Variants in SOX5 observed in about 807,000 individuals in gnomAD.
SOX5 encodes transcription factor SOX-5.
SOX5 carries 9 observed loss-of-function variants against 92.0 expected under a neutral mutation model. The observed-to-expected ratio is 0.10, with a 90% CI of 0.06 to 0.17. The LOEUF (loss-of-function observed/expected upper bound fraction) is 0.17, where lower values mean the gene tolerates loss of function less well. SOX5 is among the 10% of genes least tolerant of loss of function. The pLI is 1.00. For missense variants in SOX5, 642 were observed against 944.5 expected (o/e 0.68, Z 4.20); for synonymous variants, 344 against 336.3 (o/e 1.02, Z -0.25).
intron 14 of SOX5, among the ~76,000 whole-genome samples, chr12:23,534,846 A>T (rs1430728762): frequency 6.6e-6 from 1 of 151,788 alleles, no homozygotes; most frequent in Non-Finnish European, 1.5e-5. Flanking sequence ...AGTAGCTGGG[A>T]ATACAGGCGC....
At chr12:24,020,350 C>A (rs1023606165) in intron 4 of SOX5, among the ~76,000 whole-genome samples, 1 of 152,110 alleles carries the variant, frequency 6.6e-6, no homozygotes, top group African/African-American at 2.4e-5. Context: ...CACCCTATTC[C>A]AAAGTCAAGA....
intron 6 of SOX5, among the ~76,000 whole-genome samples, chr12:23,720,396 G>A (rs1242573466): frequency 6.6e-6 from 1 of 151,978 alleles, no homozygotes; most frequent in African/African-American, 2.4e-5. Context: ...GTATCAAAGA[G>A]GCCCTCTAAA....
intron 2 of SOX5, among the ~76,000 whole-genome samples, chr12:24,343,155 G>A (rs981667887): frequency 6.6e-6 from 1 of 152,194 alleles, no homozygotes; most frequent in Middle Eastern, 3.2e-3. Flanking sequence ...CCAGTGGCTT[G>A]TACCATGTCC....
rs562587124 is a variant in SOX5 at position 23,698,269 on chromosome 12, T to A, written c.811-32705A>T. ...GGGTTCTTTGAGGTTCTTAGATATATGAATTTATAGTTAATGAAATATTTT... is the reference window on the plus strand; with the variant it reads ...GGGTTCTTTGAGGTTCTTAGATATAAGAATTTATAGTTAATGAAATATTTT... On this transcript the variant is annotated intron_variant, in intron 6 of 14. Coordinates refer to ENST00000451604, the MANE Select transcript of SOX5 (RefSeq NM_006940.6). Among the ~76,000 whole-genome samples, 127 of 152,330 alleles carry A rather than the reference T, an allele frequency of 8.3e-4. 1 individual carries two copies. Among genetic ancestry groups the A allele is most frequent in the Middle Eastern group, 3.4e-3 (1 of 294 alleles).
At chr12:23,864,215 T>C (rs1036526547) in intron 2 of SOX5, among the ~76,000 whole-genome samples, 1 of 152,150 alleles carries the variant, frequency 6.6e-6, no homozygotes, top group African/African-American at 2.4e-5. Flanking sequence ...GTGAACTTAG[T>C]AAATGCTGTA....
chr12:24,171,917 T>C (rs1341168443), intron 4 of SOX5, among the ~76,000 whole-genome samples: 1 of 152,110 alleles, frequency 6.6e-6, no homozygotes, highest in Non-Finnish European at 1.5e-5. Flanking sequence ...AAGTGGCATT[T>C]AAGTTGAGTC....
intron 1 of SOX5, among the ~76,000 whole-genome samples, chr12:24,459,272 G>T (rs1393695259): frequency 6.6e-6 from 1 of 152,122 alleles, no homozygotes; most frequent in African/African-American, 2.4e-5. Context: ...GTGATGGAGT[G>T]CTGTTTCTGA....
intron 4 of SOX5, among the ~76,000 whole-genome samples, chr12:24,038,288 T>C (rs903912592): frequency 2.6e-5 from 4 of 152,144 alleles, no homozygotes; most frequent in Non-Finnish European, 2.9e-5. Flanking sequence ...TCACTGGCCC[T>C]GCAAACTCAT....
At chr12:23,660,546 C>T (rs10505901) in intron 7 of SOX5, among the ~76,000 whole-genome samples, 12,216 of 152,176 alleles carry the variant, frequency 0.08, 601 homozygotes, top group Non-Finnish European at 0.11. Context: ...ATATTGAATG[C>T]TTGAAATCAT....
chr12:23,554,627 T>A (rs1453681169), intron 11 of SOX5, among the ~76,000 whole-genome samples: 1 of 152,118 alleles, frequency 6.6e-6, no homozygotes, highest in Non-Finnish European at 1.5e-5. Flanking sequence ...GGGAAAGCCA[T>A]GAGAAAATGT....
chr12:23,932,007 T>C (rs1251701763), intron 1 of SOX5, among the ~76,000 whole-genome samples: 1 of 151,442 alleles, frequency 6.6e-6, no homozygotes, highest in Non-Finnish European at 1.5e-5. Context: ...CAAATCACCA[T>C]AGCTCAGATA....
At chr12:23,800,365 T>C (rs1385020532) in intron 3 of SOX5, among the ~76,000 whole-genome samples, 3 of 152,132 alleles carry the variant, frequency 2.0e-5, no homozygotes, top group Admixed American at 1.3e-4. Context: ...GTTAACCCAA[T>C]ACCCAAACAC....
Position 23,531,695 on chromosome 12 carries a change from A to G in SOX5, c.*2524T>C, listed in dbSNP as rs565935491. Reference sequence around the variant, plus strand: ...CAGAGTGCTTAAAAACAAAACAAACAAAAACAAAAAAAAATTGGCTCTAGA... The same window carrying G: ...CAGAGTGCTTAAAAACAAAACAAACGAAAACAAAAAAAAATTGGCTCTAGA... On this transcript the variant is annotated 3_prime_UTR_variant, in exon 15 of 15. Coordinates refer to ENST00000451604, the MANE Select transcript of SOX5 (RefSeq NM_006940.6). 4 of 152,258 alleles carry G rather than the reference A, an allele frequency of 2.6e-5. No homozygotes were observed. Among genetic ancestry groups the G allele is most frequent in the Admixed American group, 2.0e-4 (3 of 15,298 alleles). The allele number at this position is 152,258 out of a possible 1,614,324, so 9.4% of individuals were successfully genotyped here.
intron 1 of SOX5, chr12:23,919,919 T>C (rs2097464724): frequency 6.6e-6 from 1 of 152,010 alleles, no homozygotes; most frequent in East Asian, 1.9e-4. Context: ...AAATACAGAG[T>C]CCAAAATGGA....
intron 4 of SOX5, among the ~76,000 whole-genome samples, chr12:23,975,334 G>T (rs1343843043): frequency 6.6e-6 from 1 of 151,458 alleles, no homozygotes; most frequent in Non-Finnish European, 1.5e-5. Context: ...TATATAATAT[G>T]ATATACTTTT....
chr12:23,651,474 A>G (rs2081553955), intron 7 of SOX5, among the ~76,000 whole-genome samples: 1 of 152,096 alleles, frequency 6.6e-6, no homozygotes, highest in African/African-American at 2.4e-5. Context: ...TTTCCATTCA[A>G]TTAACATGTA....
intron 3 of SOX5, among the ~76,000 whole-genome samples, chr12:24,217,030 A>G (rs2139747875): frequency 6.6e-6 from 1 of 152,306 alleles, no homozygotes; most frequent in South Asian, 2.1e-4. Flanking sequence ...TGAAGACAGA[A>G]ACTTGTGCTC....
chr12:23,624,298 G>A (rs954510964), intron 8 of SOX5, among the ~76,000 whole-genome samples: 3 of 152,074 alleles, frequency 2.0e-5, no homozygotes, highest in African/African-American at 7.2e-5. Flanking sequence ...TGTATGTAAT[G>A]CCACTGAACT....
chr12:23,821,368 A>C (rs2096112909), intron 3 of SOX5, among the ~76,000 whole-genome samples: 1 of 152,220 alleles, frequency 6.6e-6, no homozygotes, highest in South Asian at 2.1e-4. Context: ...TGCAATCTGC[A>C]AACAGAGATA....
Sources: gnomAD v4.1 joint callset for allele counts (sites outside exome capture counted in the v4.1 genomes callset) on GRCh38, gnomAD v4.1.1 for gene constraint, MANE v1.5 for transcripts, NCBI Gene and HGNC (gene_info 2026-07-23, HGNC 2026-07-21) for gene names.